PFKFB3: variants seen among roughly 807,000 people sequenced by gnomAD.
PFKFB3 encodes 6-phosphofructo-2-kinase/fructose-2,6-biphosphatase 3.
PFKFB3 carries 33 observed loss-of-function variants against 68.0 expected under a neutral mutation model. The observed-to-expected ratio is 0.49, with a 90% CI of 0.37 to 0.65. PFKFB3 has a LOEUF of 0.65. Among genes scored for constraint, PFKFB3 ranks in the 30% least tolerant of loss-of-function variants. PFKFB3 has a pLI of 0.00. For missense variants in PFKFB3, 586 were observed against 712.2 expected, an observed-to-expected ratio of 0.82 and a Z score of 2.02; for synonymous variants, 315 against 288.2, an observed-to-expected ratio of 1.09 and a Z score of -0.94.
chr10:6,256,664 A>G (rs117881346), downstream of PFKFB3, among the ~76,000 whole-genome samples: 152 of 152,338 alleles, frequency 1.0e-3, 5 homozygotes, highest in East Asian at 0.025. Context: ...AGGTGTATTT[A>G]ACGTGACGAA....
chr10:6,144,991 CG>C, exon 1 of PFKFB3: 3 of 1,320,936 alleles, frequency 2.3e-6, no homozygotes, highest in Non-Finnish European at 2.9e-6. Context: ...GGAGCGCCCC[CG>C]GCGCGATGCC....
downstream of PFKFB3, among the ~76,000 whole-genome samples, chr10:6,237,440 T>TA (rs34263663): frequency 0.38 from 57,332 of 152,160 alleles, 11,375 homozygotes; most frequent in Middle Eastern, 0.49. Flanking sequence ...AGGAAGGCTT[T>TA]ATAGAAGAAA....
At chr10:6,287,582 T>C in the PFKFB3 span, among the ~76,000 whole-genome samples, 1 of 152,160 alleles carries the variant, frequency 6.6e-6, no homozygotes, top group Non-Finnish European at 1.5e-5. Flanking sequence ...TCTAGGTTTG[T>C]GTAAGTACAC....
At chr10:6,156,960 C>T (rs563304706) in intron 1 of PFKFB3, among the ~76,000 whole-genome samples, 1 of 151,316 alleles carries the variant, frequency 6.6e-6, no homozygotes, top group South Asian at 2.1e-4. Context: ...GGCGTGGTGG[C>T]AGGCACCTGT....
intron 1 of PFKFB3, chr10:6,146,548 T>C: frequency 1.3e-6 from 2 of 1,486,312 alleles, no homozygotes; most frequent in Non-Finnish European, 1.8e-6. Flanking sequence ...TCTCAGAGTG[T>C]CCCTCCCCCC....
the PFKFB3 span, among the ~76,000 whole-genome samples, chr10:6,272,812 A>G: frequency 6.6e-6 from 1 of 152,118 alleles, no homozygotes; most frequent in South Asian, 2.1e-4. Flanking sequence ...ATGTGGGAAG[A>G]TTTCATTTCA....
chr10:6,306,700 C>T, the PFKFB3 span, among the ~76,000 whole-genome samples: 4 of 152,188 alleles, frequency 2.6e-5, no homozygotes, highest in East Asian at 1.9e-4. Context: ...CTATTCATCA[C>T]GACTTCCCCC....
At chr10:6,284,549 T>G in the PFKFB3 span, among the ~76,000 whole-genome samples, 447 of 152,362 alleles carry the variant, frequency 2.9e-3, 3 homozygotes, top group Non-Finnish European at 3.1e-3. Context: ...AGTAACTTTC[T>G]TCATCCTTTT....
rs141898937 is a variant in PFKFB3, at chr10:6,175,723, A to G, written c.16+30710A>G. On this transcript the variant is annotated intron_variant, in intron 1 of 14. Transcript: ENST00000379789. Reference sequence around the variant, plus strand: ...TTCTACATTTGGTGGTGGTCATAAAAGAGGCTACCCAAATGGCCCGTAAGC... The same window carrying G: ...TTCTACATTTGGTGGTGGTCATAAAGGAGGCTACCCAAATGGCCCGTAAGC... Among the ~76,000 whole-genome samples the G allele has an allele frequency of 4.0e-3, 608 of 152,362 alleles. 2 individuals are homozygous for G. Among genetic ancestry groups the G allele is most frequent in the Middle Eastern group, 6.8e-3 (2 of 294 alleles).
At chr10:6,226,427 C>G in intron 14 of PFKFB3, 62 bp downstream of exon 14, 1 of 1,508,756 alleles carries the variant, frequency 6.6e-7, no homozygotes, top group Non-Finnish European at 9.0e-7. Context: ...TGCCACAGAT[C>G]TGGGATTGCG....
intron 14 of PFKFB3, among the ~76,000 whole-genome samples, chr10:6,247,581 C>T (rs532733694): frequency 6.6e-6 from 1 of 152,322 alleles, no homozygotes; most frequent in South Asian, 2.1e-4. Context: ...CCCCGCCAGC[C>T]CAGAGCCCTG....
chr10:6,209,788 G>A (rs1327214162), intron 1 of PFKFB3, among the ~76,000 whole-genome samples: 4 of 109,544 alleles, frequency 3.7e-5, no homozygotes, highest in African/African-American at 1.4e-4. Context: ...TTTTTGAGAC[G>A]GTGTCTCACT....
At chr10:6,184,028 C>T (rs989476033) in intron 1 of PFKFB3, among the ~76,000 whole-genome samples, 2 of 126,668 alleles carry the variant, frequency 1.6e-5, no homozygotes, top group African/African-American at 6.0e-5. Context: ...ATGAGCATCA[C>T]TGGAGATGCT....
chr10:6,286,753 C>T, the PFKFB3 span, among the ~76,000 whole-genome samples: 1 of 152,170 alleles, frequency 6.6e-6, no homozygotes, highest in Non-Finnish European at 1.5e-5. Context: ...TTAATATCTA[C>T]TGTATTCATA....
downstream of PFKFB3, among the ~76,000 whole-genome samples, chr10:6,255,699 C>T (rs538686073): frequency 2.6e-5 from 4 of 152,092 alleles, no homozygotes; most frequent in African/African-American, 7.2e-5. Context: ...AAGGTGTGAG[C>T]GGGAACTCCA....
At chr10:6,230,279 C>G (rs1363602514) in intron 14 of PFKFB3, among the ~76,000 whole-genome samples, 1 of 152,118 alleles carries the variant, frequency 6.6e-6, no homozygotes, top group East Asian at 1.9e-4. Flanking sequence ...AGGATTGTAG[C>G]CACATCTGAT....
At chr10:6,282,476 G>A in the PFKFB3 span, among the ~76,000 whole-genome samples, 1 of 152,148 alleles carries the variant, frequency 6.6e-6, no homozygotes, top group African/African-American at 2.4e-5. Context: ...TAGCACCACT[G>A]TAAATTTAAA....
In PFKFB3 at chr10:6,146,623, G is replaced by C. The variant is rs1389847649; in HGVS notation, c.16+1610G>C. On this transcript the variant is annotated intron_variant, in intron 1 of 14. Transcript: ENST00000379789. ...TTCATCGCTTCTGCCCACTTTTGTC[G>C]ATGTAGGCTCTGGTTGGGAAACTCC... 4.1e-6 allele frequency: 4 copies of C among 983,612 alleles called. No homozygotes were observed. In the South Asian group the frequency reaches 4.8e-5, roughly 12 times the overall value. 60.9% of individuals were successfully genotyped at this position (983,612 alleles called of 1,614,324 possible).
chr10:6,198,944 G>A (rs1843247380), upstream of PFKFB3, among the ~76,000 whole-genome samples: 1 of 152,198 alleles, frequency 6.6e-6, no homozygotes, highest in Non-Finnish European at 1.5e-5. Flanking sequence ...ACATCTATGT[G>A]CATGTTATGA....
Sources: gnomAD v4.1 joint callset for allele counts (sites outside exome capture counted in the v4.1 genomes callset) on GRCh38, gnomAD v4.1.1 for gene constraint, MANE v1.5 for transcripts, NCBI Gene and HGNC (gene_info 2026-07-23, HGNC 2026-07-21) for gene names.